The following LHFPL3 variants were observed in gnomAD, a reference collection of about 807,000 sequenced individuals.
LHFPL3 encodes LHFPL tetraspan subfamily member 3 protein.
A neutral mutation model predicts 19.3 loss-of-function variants in LHFPL3; 5 were observed. The ratio of observed to expected loss-of-function variants is 0.26; its 90% CI spans 0.14 to 0.54. The LOEUF is 0.54. Among genes scored for constraint, LHFPL3 ranks in the 20% least tolerant of loss-of-function variants. LHFPL3 has a pLI of 0.94. For synonymous variants in LHFPL3, 133 were observed against 126.2 expected (o/e 1.05, Z -0.36); for missense variants, 249 against 307.4 (o/e 0.81, Z 1.42).
chr7:104,714,399 T>C lies in LHFPL3; in HGVS notation c.446-22276T>C, dbSNP rs116306018. Among the ~76,000 whole-genome samples, 560 of 152,246 alleles carry C rather than the reference T, an allele frequency of 3.7e-3. 2 individuals are homozygous for C. The highest frequency in any genetic ancestry group is 0.013 in the African/African-American group (520 of 41,526). On this transcript the variant is annotated intron_variant, in intron 1 of 2. Transcript: ENST00000424859. ...ATTTTTCACCATCTGGATAAATTGC[T>C]TCAAAGAGTAGCAAAAAATGTGAAA...
At chr7:104,363,182 C>T (rs577924653) in intron 1 of LHFPL3, among the ~76,000 whole-genome samples, 15 of 152,168 alleles carry the variant, frequency 9.9e-5, no homozygotes, top group African/African-American at 3.4e-4. Flanking sequence ...AGATTAGATT[C>T]CTCCCAAAGT....
chr7:104,583,341 C>T (rs1790500132), intron 1 of LHFPL3, among the ~76,000 whole-genome samples: 1 of 152,112 alleles, frequency 6.6e-6, no homozygotes, highest in Non-Finnish European at 1.5e-5. Flanking sequence ...AATGTTAGAC[C>T]TAAAACCATA....
chr7:104,566,485 A>G (rs1790127855), intron 1 of LHFPL3, among the ~76,000 whole-genome samples: 1 of 152,246 alleles, frequency 6.6e-6, no homozygotes, highest in Non-Finnish European at 1.5e-5. Context: ...ATAAATATTT[A>G]TACAAGGGCA....
intron 2 of LHFPL3, among the ~76,000 whole-genome samples, chr7:104,766,981 A>G (rs1794467015): frequency 6.6e-6 from 1 of 152,202 alleles, no homozygotes; most frequent in Admixed American, 6.5e-5. Context: ...GAAACATTGT[A>G]ATTTGCTTGT....
At chr7:104,608,501 T>TG (rs1562948923) in intron 1 of LHFPL3, among the ~76,000 whole-genome samples, 1 of 33,594 alleles carries the variant, frequency 3.0e-5, no homozygotes, top group Non-Finnish European at 5.4e-5. Flanking sequence ...TGTTGTGGGG[T>TG]GGGGGGAGGG....
intron 1 of LHFPL3, among the ~76,000 whole-genome samples, chr7:104,719,108 A>T (rs1793441812): frequency 6.6e-6 from 1 of 152,190 alleles, no homozygotes; most frequent in Non-Finnish European, 1.5e-5. Context: ...TAAAATTTTT[A>T]TTAAAACAAT....
rs151236444 is a variant in LHFPL3 at position 104,653,169 on chromosome 7, TG to T, written c.446-83502del. Among the ~76,000 whole-genome samples the T allele has an allele frequency of 4.5e-3, 681 of 152,278 alleles. 41 individuals are homozygous for T. The East Asian group carries it at 0.11, about 25-fold the overall frequency. ...CAGTTGGCTTAGGCCTTAATGCAGTTGGGGTACATGAAATCGTTTGTGCTGA... is the reference window on the plus strand; with the variant it reads ...CAGTTGGCTTAGGCCTTAATGCAGTTGGGTACATGAAATCGTTTGTGCTGA... On this transcript the variant is annotated intron_variant, in intron 1 of 2. Transcript: ENST00000424859.
intron 2 of LHFPL3, among the ~76,000 whole-genome samples, chr7:104,809,356 A>G (rs1343830780): frequency 6.6e-6 from 1 of 152,226 alleles, no homozygotes; most frequent in East Asian, 1.9e-4. Flanking sequence ...TTCTTTTCTT[A>G]GTACATGTGC....
intron 2 of LHFPL3, among the ~76,000 whole-genome samples, chr7:104,885,333 T>C (rs919084817): frequency 2.0e-5 from 3 of 152,192 alleles, no homozygotes; most frequent in South Asian, 2.1e-4. Flanking sequence ...ATCTGTACAA[T>C]GGATGGCTCC....
chr7:104,383,011 C>T (rs951862468), intron 1 of LHFPL3, among the ~76,000 whole-genome samples: 8 of 152,046 alleles, frequency 5.3e-5, no homozygotes, highest in Admixed American at 3.3e-4. Context: ...ACTGAGGCGC[C>T]GTGAGGCGCT....
At chr7:104,444,704 A>G (rs1792293901) in intron 1 of LHFPL3, among the ~76,000 whole-genome samples, 1 of 152,124 alleles carries the variant, frequency 6.6e-6, no homozygotes, top group Non-Finnish European at 1.5e-5. Context: ...AGGAATATTT[A>G]TAGGCTGGGC....
intron 1 of LHFPL3, among the ~76,000 whole-genome samples, chr7:104,352,832 A>G (rs1790204901): frequency 6.6e-6 from 1 of 152,194 alleles, no homozygotes; most frequent in Non-Finnish European, 1.5e-5. Context: ...GGATGTGGGA[A>G]GGATCCAGGT....
At chr7:104,538,297 C>T (rs901224154) in intron 1 of LHFPL3, among the ~76,000 whole-genome samples, 2 of 152,162 alleles carry the variant, frequency 1.3e-5, no homozygotes, top group Admixed American at 6.5e-5. Context: ...CCATGAAAGT[C>T]CCGAGGTGCT....
At chr7:104,818,387 TAAA>T (rs74273539) in intron 2 of LHFPL3, among the ~76,000 whole-genome samples, 8 of 131,366 alleles carry the variant, frequency 6.1e-5, no homozygotes, top group Non-Finnish European at 8.2e-5. Context: ...CTTCTCTCAT[TAAA>T]AAAAAAAAAA....
chr7:104,805,237 T>C (rs536617432), intron 2 of LHFPL3, among the ~76,000 whole-genome samples: 28 of 152,374 alleles, frequency 1.8e-4, no homozygotes, highest in African/African-American at 3.4e-4. Flanking sequence ...CATTGTTTCA[T>C]TGACGATATC....
At chr7:104,590,738 T>G (rs527622507) in intron 1 of LHFPL3, among the ~76,000 whole-genome samples, 8 of 152,208 alleles carry the variant, frequency 5.3e-5, no homozygotes, top group African/African-American at 7.2e-5. Flanking sequence ...TTATTATTGT[T>G]TGGGAGTCTA....
At position 104,493,973 on chromosome 7, in the gene LHFPL3, T is replaced by C. The variant is rs552370310; in HGVS notation, c.445+164749T>C. Among the ~76,000 whole-genome samples, 275 of 152,332 alleles carry C rather than the reference T, an allele frequency of 1.8e-3. 1 individual carries two copies. The highest frequency in any genetic ancestry group is 6.5e-3 in the African/African-American group (269 of 41,586). On this transcript the variant is annotated intron_variant, in intron 1 of 2. Coordinates refer to ENST00000424859, the MANE Select transcript of LHFPL3 (RefSeq NM_199000.3). ...TTTATACTAAAACATTTCAAATTCC[T>C]CATTAATAATTTTTATATTGATTAC...
chr7:104,666,075 G>A (rs1426715059), intron 1 of LHFPL3, among the ~76,000 whole-genome samples: 1 of 152,162 alleles, frequency 6.6e-6, no homozygotes, highest in Non-Finnish European at 1.5e-5. Flanking sequence ...ATTTGTACGG[G>A]ATACATGTGA....
At chr7:104,365,796 A>AAAAAAAAAAAAG (rs1790479593) in intron 1 of LHFPL3, among the ~76,000 whole-genome samples, 3 of 137,886 alleles carry the variant, frequency 2.2e-5, no homozygotes, top group Non-Finnish European at 3.2e-5. Context: ...TCAAAAAAAA[A>AAAAAAAAAAAAG]AAAAAAAAAG....
Sources: gnomAD v4.1 joint callset for allele counts (sites outside exome capture counted in the v4.1 genomes callset) on GRCh38, gnomAD v4.1.1 for gene constraint, MANE v1.5 for transcripts, NCBI Gene and HGNC (gene_info 2026-07-23, HGNC 2026-07-21) for gene names.